The following SFMBT1 variants were observed in gnomAD, a reference collection of about 807,000 sequenced individuals.
SFMBT1 encodes Scm like with four mbt domains 1.
Under a neutral mutation model 108.7 loss-of-function variants are expected in SFMBT1, and 32 were observed. The observed-to-expected ratio is 0.29, with a 90% CI of 0.22 to 0.40. SFMBT1 has a LOEUF of 0.40. SFMBT1 is among the 10% of genes least tolerant of loss of function. The probability of loss-of-function intolerance (pLI) is 1.00; values close to 1 mark genes in which losing one functional copy is unlikely to be tolerated. For synonymous variants in SFMBT1, 348 were observed against 369.5 expected, an observed-to-expected ratio of 0.94 and a Z score of 0.67; for missense variants, 816 against 1,059.6, an observed-to-expected ratio of 0.77 and a Z score of 3.19.
chr3:52,905,103 C>A lies in SFMBT1; in HGVS notation c.*33G>T. The A allele has an allele frequency of 6.2e-7, 1 of 1,609,656 alleles. No homozygotes were observed. Among genetic ancestry groups the A allele is most frequent in the Non-Finnish European group, 8.5e-7 (1 of 1,177,794 alleles). On this transcript the variant is annotated 3_prime_UTR_variant, in exon 21 of 21. Transcript: ENST00000394752. ...GGGTGAAGGATTTGCTGCATTTGTGCTTCAAAGATCCAGCTCACTTTGGTT... is the reference window on the plus strand; with the variant it reads ...GGGTGAAGGATTTGCTGCATTTGTGATTCAAAGATCCAGCTCACTTTGGTT...
At chr3:53,001,854 G>T (rs565337380) in intron 1 of SFMBT1, among the ~76,000 whole-genome samples, 11 of 147,124 alleles carry the variant, frequency 7.5e-5, no homozygotes, top group South Asian at 4.3e-4. Context: ...AGGCCCAGGA[G>T]GTCAAGGCTG....
chr3:53,005,779 G>T (rs1698718385), intron 1 of SFMBT1, among the ~76,000 whole-genome samples: 1 of 152,172 alleles, frequency 6.6e-6, no homozygotes. Context: ...TTCTACCTGG[G>T]ATGTAAACGA....
intron 1 of SFMBT1, among the ~76,000 whole-genome samples, chr3:53,023,170 T>C (rs1699372009): frequency 6.6e-6 from 1 of 152,194 alleles, no homozygotes; most frequent in African/African-American, 2.4e-5. Flanking sequence ...ATGACTCTAA[T>C]CAGATCAGGA....
At chr3:52,999,146 G>T (rs1698449510) in intron 1 of SFMBT1, among the ~76,000 whole-genome samples, 2 of 150,912 alleles carry the variant, frequency 1.3e-5, no homozygotes, top group South Asian at 4.2e-4. Flanking sequence ...GGAGATCCAG[G>T]CCTTCGCCAA....
chr3:52,986,774 C>CA lies in SFMBT1; in HGVS notation c.-130-17517dup, dbSNP rs57437185. ...CTGGTGACAGAGCAAGACTCTGTCTCAAAAAAAAAAAAAAAATTAGCAGGG... is the reference window on the plus strand; with the variant it reads ...CTGGTGACAGAGCAAGACTCTGTCTCAAAAAAAAAAAAAAAAATTAGCAGGG... On this transcript the variant is annotated intron_variant, in intron 1 of 20. Coordinates refer to ENST00000394752, the MANE Select transcript of SFMBT1 (RefSeq NM_016329.4). 8.5e-5 allele frequency among the ~76,000 whole-genome samples: 6 copies of CA among 70,814 alleles called. 1 individual carries two copies. Among genetic ancestry groups the CA allele is most frequent in the African/African-American group, 3.3e-4 (6 of 18,410 alleles). 46.5% of individuals were successfully genotyped at this position (70,814 alleles called of 152,430 possible).
chr3:53,045,520 C>T (rs966947848), intron 1 of SFMBT1, among the ~76,000 whole-genome samples: 4 of 143,920 alleles, frequency 2.8e-5, no homozygotes, highest in African/African-American at 9.9e-5. Flanking sequence ...GCCGCCGCCG[C>T]TCTCCGCCGC....
At chr3:52,994,387 T>C (rs561598230) in intron 1 of SFMBT1, among the ~76,000 whole-genome samples, 1 of 150,300 alleles carries the variant, frequency 6.7e-6, no homozygotes, top group African/African-American at 2.4e-5. Context: ...ACCTGAAACA[T>C]CATGTGCCTC....
chr3:52,978,536 C>T (rs983626130), intron 1 of SFMBT1, among the ~76,000 whole-genome samples: 7 of 152,136 alleles, frequency 4.6e-5, no homozygotes, highest in Non-Finnish European at 8.8e-5. Flanking sequence ...AATGATGCAA[C>T]CACCTGGGAA....
chr3:52,921,636 A>G (rs1312346495), intron 11 of SFMBT1, 69 bp downstream of exon 11: 2 of 1,542,912 alleles, frequency 1.3e-6, no homozygotes, highest in Non-Finnish European at 1.8e-6. Flanking sequence ...AACAGGCAAC[A>G]TTACAGGAGT....
At chr3:53,043,607 TAGTACCTATATTCTAAAA>T (rs1423449999) in intron 1 of SFMBT1, among the ~76,000 whole-genome samples, 1 of 152,238 alleles carries the variant, frequency 6.6e-6, no homozygotes, top group Non-Finnish European at 1.5e-5. Context: ...TACAAATATA[TAGTACCTATATTCTAAAA>T]ATGGGAAGTC....
intron 1 of SFMBT1, among the ~76,000 whole-genome samples, chr3:52,969,975 C>T (rs72961745): frequency 0.024 from 3,606 of 151,932 alleles, 150 homozygotes; most frequent in African/African-American, 0.082. Context: ...TGGTGGCGCA[C>T]GCCTGTAGTT....
intron 1 of SFMBT1, among the ~76,000 whole-genome samples, chr3:52,998,847 T>C (rs372174827): frequency 1.3e-5 from 2 of 150,672 alleles, no homozygotes; most frequent in South Asian, 2.1e-4. Flanking sequence ...TGCAAGGGCC[T>C]GCGGGGTGAC....
chr3:52,947,266 C>T (rs763495539), intron 3 of SFMBT1, among the ~76,000 whole-genome samples: 8 of 151,986 alleles, frequency 5.3e-5, no homozygotes, highest in Non-Finnish European at 1.0e-4. Context: ...TACAGATACC[C>T]GCCACCAAGC....
At chr3:52,961,062 G>A (rs1559527616) in intron 2 of SFMBT1, among the ~76,000 whole-genome samples, 1 of 152,118 alleles carries the variant, frequency 6.6e-6, no homozygotes, top group East Asian at 1.9e-4. Context: ...TCACTTGCAA[G>A]GTTGGGGCTA....
chr3:52,975,432 T>C (rs1193634525), intron 1 of SFMBT1, among the ~76,000 whole-genome samples: 1 of 152,184 alleles, frequency 6.6e-6, no homozygotes, highest in African/African-American at 2.4e-5. Flanking sequence ...CTCACACCTG[T>C]AATCCCAGCA....
At chr3:52,979,407 T>A in intron 1 of SFMBT1, among the ~76,000 whole-genome samples, 1 of 152,232 alleles carries the variant, frequency 6.6e-6, no homozygotes, top group East Asian at 1.9e-4. Context: ...CTCTCCACCA[T>A]GTGATTATTC....
At chr3:53,043,078 C>T (rs1006753391) in intron 1 of SFMBT1, 1 of 152,226 alleles carries the variant, frequency 6.6e-6, no homozygotes, top group African/African-American at 2.4e-5. Flanking sequence ...ACACAGATAT[C>T]TTTGCAGTAA....
In SFMBT1 at chr3:52,907,150, C is replaced by T; in HGVS notation, c.2250G>A (p.Leu750=). 8.7e-6 allele frequency: 14 copies of T among 1,614,112 alleles called. No homozygotes were observed. The highest frequency in any genetic ancestry group is 1.2e-5 in the Non-Finnish European group (14 of 1,179,998). Residue 750 remains leucine, a synonymous_variant, in exon 19 of 21, where the codon CTG becomes CTA. Transcript: ENST00000394752. ...TTTTTCTCCTTTGTCTATCTGGAGG[C>T]AGCGATGTGGATATCTCACTTTGGG... ...SPTQSEISTS[L]PPDRQRRKRE... is the part of the protein sequence containing the mutation.
intron 1 of SFMBT1, among the ~76,000 whole-genome samples, chr3:52,971,238 A>AT (rs749362462): frequency 6.6e-6 from 1 of 152,128 alleles, no homozygotes; most frequent in African/African-American, 2.4e-5. Flanking sequence ...TATTATGTCC[A>AT]TTTTTTATCT....
Sources: gnomAD v4.1 joint callset for allele counts (sites outside exome capture counted in the v4.1 genomes callset) on GRCh38, gnomAD v4.1.1 for gene constraint, MANE v1.5 for transcripts, NCBI Gene and HGNC (gene_info 2026-07-23, HGNC 2026-07-21) for gene names.